The following PBRM1 variants were observed in gnomAD, a reference collection of about 807,000 sequenced individuals.
PBRM1 encodes polybromo 1.
PBRM1 carries 27 observed loss-of-function variants against 194.5 expected under a neutral mutation model. The observed-to-expected ratio is 0.14, with a 90% CI of 0.10 to 0.19. The LOEUF is 0.19. Ranked by LOEUF, PBRM1 falls within the 10% of genes least tolerant of loss-of-function variation. The pLI is 1.00. For missense variants in PBRM1, 1,466 were observed against 2,077.2 expected, an observed-to-expected ratio of 0.71 and a Z score of 5.72; for synonymous variants, 655 against 693.2, an observed-to-expected ratio of 0.94 and a Z score of 0.87.
At chr3:52,550,570 G>T (rs1433971214) in exon 29 of PBRM1, 1 of 1,543,448 alleles carries the variant, frequency 6.5e-7, no homozygotes, top group Non-Finnish European at 8.7e-7. Context: ...TATGACAGGG[G>T]GTCCAGCTGG....
At position 52,594,122 on chromosome 3, in the gene PBRM1, T is replaced by C. The variant is rs879522422; in HGVS notation, c.2780-4867A>G. Among the ~76,000 whole-genome samples, 9 of 152,162 alleles carry C rather than the reference T, an allele frequency of 5.9e-5. No homozygotes were observed. The South Asian group carries it at 8.3e-4, about 14-fold the overall frequency. On this transcript the variant is annotated intron_variant, in intron 17 of 29. Coordinates refer to ENST00000296302, the Ensembl canonical transcript of PBRM1. ...CTCTTGAAGGCCTAGGCTCAAGCAA[T>C]CCTCCTGTCTTGGCCTCCCACAGTG...
At chr3:52,656,694 A>T (rs2096614754) in intron 5 of PBRM1, among the ~76,000 whole-genome samples, 1 of 152,118 alleles carries the variant, frequency 6.6e-6, no homozygotes, top group Non-Finnish European at 1.5e-5. Flanking sequence ...AAAAAGATTT[A>T]GTTAAAGTGC....
chr3:52,548,647 A>G (rs1200785356), intron 29 of PBRM1, among the ~76,000 whole-genome samples: 1 of 152,102 alleles, frequency 6.6e-6, no homozygotes, highest in African/African-American at 2.4e-5. Context: ...GCTGGTCTTG[A>G]ACTCCTGACC....
At chr3:52,639,440 CTT>C (rs1037221321) in intron 10 of PBRM1, among the ~76,000 whole-genome samples, 5 of 145,558 alleles carry the variant, frequency 3.4e-5, no homozygotes, top group African/African-American at 2.5e-5. Flanking sequence ...CCTTTCTTTT[CTT>C]TTTTTTTTTG....
intron 22 of PBRM1, among the ~76,000 whole-genome samples, chr3:52,565,807 T>C (rs1238049643): frequency 6.6e-6 from 1 of 152,040 alleles, no homozygotes; most frequent in Non-Finnish European, 1.5e-5. Context: ...TCCCAGCACT[T>C]TGGGAGGCCG....
intron 24 of PBRM1, among the ~76,000 whole-genome samples, 158 bp from the exon 27 acceptor site, chr3:52,562,126 C>A (rs558938404): frequency 3.2e-4 from 49 of 151,568 alleles, no homozygotes; most frequent in Admixed American, 9.3e-4. Flanking sequence ...TTGAGACCAT[C>A]CTGGCTGACA....
At chr3:52,673,668 T>C (rs929370877) in intron 2 of PBRM1, among the ~76,000 whole-genome samples, 3 of 84,062 alleles carry the variant, frequency 3.6e-5, no homozygotes, top group African/African-American at 5.9e-5. Context: ...TGGGACTCCA[T>C]CTCAAAAAAA....
At chr3:52,598,310 A>G (rs1026060924) in intron 17 of PBRM1, among the ~76,000 whole-genome samples, 3 of 152,318 alleles carry the variant, frequency 2.0e-5, no homozygotes, top group African/African-American at 4.8e-5. Context: ...CATTATCCCA[A>G]ACAGAAACTT....
At chr3:52,684,677 T>A (rs1414817998), upstream of PBRM1, among the ~76,000 whole-genome samples, 2 of 152,222 alleles carry the variant, frequency 1.3e-5, no homozygotes, top group African/African-American at 4.8e-5. Context: ...TTCTTCCTCA[T>A]GATGTTTGAT....
At chr3:52,566,333 T>C (rs887457754) in intron 22 of PBRM1, among the ~76,000 whole-genome samples, 8 of 152,200 alleles carry the variant, frequency 5.3e-5, no homozygotes, top group African/African-American at 1.9e-4. Context: ...CGCAATTCTA[T>C]TTCTAGGTAT....
intron 22 of PBRM1, among the ~76,000 whole-genome samples, chr3:52,573,896 G>C (rs907316263): frequency 1.3e-5 from 2 of 152,078 alleles, no homozygotes; most frequent in African/African-American, 4.8e-5. Flanking sequence ...CTCTATTCCT[G>C]GTGTAAGATT....
intron 17 of PBRM1, among the ~76,000 whole-genome samples, chr3:52,592,122 GTTTTTTT>G (rs1168998355): frequency 4.2e-4 from 51 of 120,278 alleles, no homozygotes; most frequent in African/African-American, 1.7e-3. Flanking sequence ...ACTGCACCAG[GTTTTTTT>G]TTTTTTTTTT....
chr3:52,667,817 C>T (rs1168116041), intron 3 of PBRM1, among the ~76,000 whole-genome samples: 1 of 147,858 alleles, frequency 6.8e-6, no homozygotes, highest in African/African-American at 2.5e-5. Flanking sequence ...CCCAGCTACT[C>T]ATGAGGCTGA....
chr3:52,607,383 AC>A (rs962137194), intron 16 of PBRM1, among the ~76,000 whole-genome samples: 5 of 152,204 alleles, frequency 3.3e-5, no homozygotes, highest in African/African-American at 4.8e-5. Flanking sequence ...TCATAAAAAT[AC>A]ACCTTGGACT....
intron 6 of PBRM1, among the ~76,000 whole-genome samples, chr3:52,651,175 G>A (rs1173801237): frequency 6.6e-6 from 1 of 152,192 alleles, no homozygotes; most frequent in Non-Finnish European, 1.5e-5. Context: ...AACAGTGCTA[G>A]GTACATAGCA....
chr3:52,573,089 A>G (rs1264527071), intron 22 of PBRM1, among the ~76,000 whole-genome samples: 3 of 152,164 alleles, frequency 2.0e-5, no homozygotes, highest in African/African-American at 7.2e-5. Context: ...TTTAATTCTC[A>G]AAAGTGTGCC....
In PBRM1 at chr3:52,618,049, G is replaced by A. The variant is rs139096724; in HGVS notation, c.1542-511C>T. ...TATTTTGGTTGTCTGAAAACAAAAG[G>A]AGACTGCCAGACTAGTGTCTTTACA... On this transcript the variant is annotated intron_variant, in intron 13 of 29. Coordinates refer to ENST00000296302, the Ensembl canonical transcript of PBRM1. 2.7e-3 allele frequency among the ~76,000 whole-genome samples: 417 copies of A among 152,282 alleles called. 4 individuals carry two copies. The East Asian group carries it at 0.058, about 21-fold the overall frequency.
chr3:52,655,094 A>G (rs1278669631), intron 5 of PBRM1, among the ~76,000 whole-genome samples: 1 of 152,164 alleles, frequency 6.6e-6, no homozygotes, highest in Non-Finnish European at 1.5e-5. Context: ...AATTTCATGT[A>G]GTAACATGAA....
At chr3:52,568,265 C>T (rs1457892850) in intron 22 of PBRM1, among the ~76,000 whole-genome samples, 1 of 152,148 alleles carries the variant, frequency 6.6e-6, no homozygotes, top group African/African-American at 2.4e-5. Flanking sequence ...AGGTGTGAGT[C>T]ATCACACTGG....
Sources: allele counts gnomAD v4.1 joint callset (sites outside exome capture counted in the v4.1 genomes callset), GRCh38; gene constraint gnomAD v4.1.1; transcripts MANE v1.5; gene names NCBI Gene and HGNC (gene_info 2026-07-23, HGNC 2026-07-21).